The following ALCAM variants were observed in gnomAD, a reference collection of about 807,000 sequenced individuals.
ALCAM encodes CD166 antigen.
A neutral mutation model predicts 70.9 loss-of-function variants in ALCAM; 30 were observed. The ratio of observed to expected loss-of-function variants is 0.42; its 90% CI spans 0.32 to 0.57. The LOEUF (loss-of-function observed/expected upper bound fraction) is 0.57, where lower values mean the gene tolerates loss of function less well. Among genes scored for constraint, ALCAM ranks in the 20% least tolerant of loss-of-function variants. The pLI is 0.11. For synonymous variants in ALCAM, 249 were observed against 242.5 expected (o/e 1.03, Z -0.25); for missense variants, 591 against 695.1 (o/e 0.85, Z 1.68).
intron 1 of ALCAM, among the ~76,000 whole-genome samples, chr3:105,412,323 T>C (rs558128952): frequency 1.3e-5 from 2 of 152,218 alleles, no homozygotes; most frequent in Admixed American, 6.5e-5. Flanking sequence ...TAGAAACAAA[T>C]GTGCTTTATT....
intron 1 of ALCAM, among the ~76,000 whole-genome samples, chr3:105,475,887 C>T (rs1280210115): frequency 2.0e-5 from 3 of 151,832 alleles, no homozygotes; most frequent in African/African-American, 2.4e-5. Flanking sequence ...CCTTCCCCAA[C>T]TCTTCTATCA....
Position 105,374,536 on chromosome 3 carries a change from G to T in ALCAM, c.73+7055G>T, listed in dbSNP as rs919420064. Among the ~76,000 whole-genome samples the T allele has an allele frequency of 2.0e-5, 3 of 151,898 alleles. No individual in the cohort carries two copies. The East Asian group carries it at 5.8e-4, about 29-fold the overall frequency. ...TTTTTGTTTTTGTTTTTGTTTTTGA[G>T]ACGGTGTCTCGCTCTTGTTACCCAG... On this transcript the variant is annotated intron_variant, in intron 1 of 15. Coordinates refer to ENST00000306107, the MANE Select transcript of ALCAM (RefSeq NM_001627.4).
chr3:105,445,184 G>A (rs78234927), intron 1 of ALCAM, among the ~76,000 whole-genome samples: 2,176 of 152,014 alleles, frequency 0.014, 38 homozygotes, highest in African/African-American at 0.048. Context: ...GTTAATACAT[G>A]AACAAGTAAT....
intron 1 of ALCAM, among the ~76,000 whole-genome samples, chr3:105,502,884 A>G (rs1304579555): frequency 6.6e-6 from 1 of 152,244 alleles, no homozygotes; most frequent in African/African-American, 2.4e-5. Context: ...GTTTTCAGAA[A>G]GACTTCTGGA....
chr3:105,483,964 A>G (rs1238595355), intron 1 of ALCAM, among the ~76,000 whole-genome samples: 1 of 152,126 alleles, frequency 6.6e-6, no homozygotes, highest in Non-Finnish European at 1.5e-5. Flanking sequence ...CTGTTCTTAG[A>G]CAAGTCTTTT....
intron 1 of ALCAM, among the ~76,000 whole-genome samples, chr3:105,428,389 T>C (rs1023336134): frequency 6.6e-6 from 1 of 151,956 alleles, no homozygotes; most frequent in Non-Finnish European, 1.5e-5. Flanking sequence ...AAAAGATTTT[T>C]CTAAAAGTTC....
chr3:105,382,178 G>C (rs1478984286), intron 1 of ALCAM, among the ~76,000 whole-genome samples: 1 of 148,626 alleles, frequency 6.7e-6, no homozygotes, highest in African/African-American at 2.5e-5. Flanking sequence ...CTATGAGTGA[G>C]AACATGCAGT....
At chr3:105,368,263 G>GAGAGAGAGAGAGAGAGAGAGAGAA (rs1412428456) in intron 1 of ALCAM, among the ~76,000 whole-genome samples, 2 of 143,338 alleles carry the variant, frequency 1.4e-5, no homozygotes, top group African/African-American at 2.5e-5. Context: ...GAGAGAGAGA[G>GAGAGAGAGAGAGAGAGAGAGAGAA]AAAAGGCAAA....
rs144017404 is a variant in ALCAM, at chr3:105,538,611, A to G, written c.731-1364A>G. Among the ~76,000 whole-genome samples the G allele has an allele frequency of 2.7e-3, 404 of 152,224 alleles. 1 individual carries two copies. Among genetic ancestry groups the G allele is most frequent in the African/African-American group, 8.8e-3 (364 of 41,562 alleles). ...CATCCCTGGCTGTTCTGTTGTGTCAACCTTGATCAGAGATGTGCCACAGTG... is the reference window on the plus strand; with the variant it reads ...CATCCCTGGCTGTTCTGTTGTGTCAGCCTTGATCAGAGATGTGCCACAGTG... On this transcript the variant is annotated intron_variant, in intron 6 of 15. Coordinates refer to ENST00000306107, the MANE Select transcript of ALCAM (RefSeq NM_001627.4).
At chr3:105,376,118 A>G (rs541341232) in intron 1 of ALCAM, among the ~76,000 whole-genome samples, 310 of 152,016 alleles carry the variant, frequency 2.0e-3, no homozygotes, top group Non-Finnish European at 3.7e-3. Context: ...AGAAAGACAG[A>G]GACAGAGAGA....
chr3:105,376,607 G>C (rs962729999), intron 1 of ALCAM, among the ~76,000 whole-genome samples: 1 of 152,140 alleles, frequency 6.6e-6, no homozygotes, highest in Admixed American at 6.5e-5. Context: ...TGTTCTCTCA[G>C]GGAAACAGAT....
At chr3:105,531,944 C>A in intron 3 of ALCAM, 58 bp from the exon 4 acceptor site, 1 of 1,367,154 alleles carries the variant, frequency 7.3e-7, no homozygotes, top group South Asian at 1.2e-5. Context: ...TGAATCAAAT[C>A]ACAGAAGTCC....
intron 1 of ALCAM, among the ~76,000 whole-genome samples, chr3:105,368,105 A>G (rs536698109): frequency 3.3e-5 from 5 of 151,950 alleles, no homozygotes; most frequent in Admixed American, 2.6e-4. Flanking sequence ...CCGCAGGCAG[A>G]TAACACAGCC....
chr3:105,486,982 A>ATTTATTTATTTATT (rs1938447426), intron 1 of ALCAM, among the ~76,000 whole-genome samples: 1 of 151,906 alleles, frequency 6.6e-6, no homozygotes, highest in South Asian at 2.1e-4. Flanking sequence ...TTATTTATTT[A>ATTTATTTATTTATT]GACGCTTTGC....
At chr3:105,479,326 A>T (rs1449178929) in intron 1 of ALCAM, among the ~76,000 whole-genome samples, 1 of 152,196 alleles carries the variant, frequency 6.6e-6, no homozygotes, top group Non-Finnish European at 1.5e-5. Context: ...AAGGTCAGAA[A>T]GTATAACTAT....
chr3:105,536,735 A>G (rs1232642473), intron 6 of ALCAM, among the ~76,000 whole-genome samples: 1 of 152,140 alleles, frequency 6.6e-6, no homozygotes, highest in Admixed American at 6.5e-5. Context: ...GTAGAGAAAC[A>G]AGACACCTAC....
intron 15 of ALCAM, among the ~76,000 whole-genome samples, chr3:105,573,277 A>C (rs1315366718): frequency 6.6e-6 from 1 of 152,224 alleles, no homozygotes; most frequent in Non-Finnish European, 1.5e-5. Flanking sequence ...CAGTGAGCCA[A>C]GATGGTGCCA....
chr3:105,540,149 G>A (rs1940079180), intron 7 of ALCAM, 47 bp downstream of exon 7: 2 of 1,573,524 alleles, frequency 1.3e-6, no homozygotes, highest in Admixed American at 1.7e-5. Context: ...CATTTTTCCT[G>A]TTGTTTGACT....
intron 1 of ALCAM, among the ~76,000 whole-genome samples, chr3:105,431,906 T>C (rs1277935078): frequency 6.6e-6 from 1 of 152,206 alleles, no homozygotes; most frequent in African/African-American, 2.4e-5. Context: ...GCACTCATTT[T>C]AGATTATAAT....
Sources: allele counts gnomAD v4.1 joint callset (sites outside exome capture counted in the v4.1 genomes callset), GRCh38; gene constraint gnomAD v4.1.1; transcripts MANE v1.5; gene names NCBI Gene and HGNC (gene_info 2026-07-23, HGNC 2026-07-21).